NRXN1: variants seen among roughly 807,000 people sequenced by gnomAD.
The protein encoded by NRXN1 is neurexin 1.
In NRXN1, 39 loss-of-function variants were observed where a neutral mutation model predicts 150.9. The observed-to-expected ratio is 0.26, with a 90% CI of 0.20 to 0.34. The LOEUF (loss-of-function observed/expected upper bound fraction) is 0.34, where lower values mean the gene tolerates loss of function less well. NRXN1 is among the 10% of genes least tolerant of loss of function. NRXN1 has a pLI of 1.00. For missense variants in NRXN1, 1,815 were observed against 1,949.9 expected (o/e 0.93, Z 1.30); for synonymous variants, 924 against 757.0 (o/e 1.22, Z -3.62).
intron 18 of NRXN1, among the ~76,000 whole-genome samples, chr2:50,107,367 G>A (rs1428836108): frequency 6.6e-6 from 1 of 150,718 alleles, no homozygotes; most frequent in Non-Finnish European, 1.5e-5. Context: ...AATTGTATCA[G>A]GTAAACTCTC....
chr2:50,479,976 G>A (rs536085617), intron 15 of NRXN1, among the ~76,000 whole-genome samples: 10 of 152,028 alleles, frequency 6.6e-5, no homozygotes, highest in African/African-American at 1.7e-4. Flanking sequence ...GTTTCACCGC[G>A]TTGGCCAGGC....
intron 22 of NRXN1, among the ~76,000 whole-genome samples, chr2:49,940,992 G>A (rs1671878395): frequency 3.3e-5 from 5 of 152,126 alleles, no homozygotes; most frequent in Admixed American, 3.3e-4. Context: ...CTTGGTACAA[G>A]AGTGTTAAAG....
At chr2:50,836,856 A>AC (rs1672186834) in intron 5 of NRXN1, among the ~76,000 whole-genome samples, 1 of 151,222 alleles carries the variant, frequency 6.6e-6, no homozygotes, top group Non-Finnish European at 1.5e-5. Context: ...AAAAAAAAAA[A>AC]CAGAAGAACA....
chr2:50,229,848 T>C (rs924216908), intron 18 of NRXN1, among the ~76,000 whole-genome samples: 3 of 152,032 alleles, frequency 2.0e-5, no homozygotes, highest in Non-Finnish European at 2.9e-5. Flanking sequence ...ATAGAAGAAA[T>C]TGTGGTATAG....
chr2:49,941,236 C>T (rs920033), intron 22 of NRXN1, among the ~76,000 whole-genome samples: 26,329 of 151,156 alleles, frequency 0.17, 2,543 homozygotes, highest in East Asian at 0.29. Flanking sequence ...GTAAAGAAAA[C>T]AAAGGTAGAA....
At chr2:50,578,812 C>A (rs1397858678) in intron 8 of NRXN1, among the ~76,000 whole-genome samples, 1 of 151,998 alleles carries the variant, frequency 6.6e-6, no homozygotes, top group East Asian at 1.9e-4. Flanking sequence ...TCTAGACAGG[C>A]ATGAGATATA....
In NRXN1 at chr2:50,823,916, A is replaced by C. The variant is rs557736329; in HGVS notation, c.832+97953T>G. On this transcript the variant is annotated intron_variant, in intron 5 of 22. Transcript: ENST00000401669. Reference sequence around the variant, plus strand: ...AATATTTCTGGGACATTTTGAATTGACTTTCCTCTCTGTGAATGGCAACAC... The same window carrying C: ...AATATTTCTGGGACATTTTGAATTGCCTTTCCTCTCTGTGAATGGCAACAC... Among the ~76,000 whole-genome samples, 61 of 152,264 alleles carry C rather than the reference A, an allele frequency of 4.0e-4. 1 individual carries two copies. Among genetic ancestry groups the C allele is most frequent in the African/African-American group, 1.4e-3 (60 of 41,558 alleles).
chr2:50,956,768 G>C (rs1169632954), intron 2 of NRXN1, among the ~76,000 whole-genome samples: 1 of 151,704 alleles, frequency 6.6e-6, no homozygotes, highest in Non-Finnish European at 1.5e-5. Context: ...TAAAAAGCAA[G>C]ATTTAACATT....
chr2:50,947,907 G>A (rs1319328820), intron 2 of NRXN1, among the ~76,000 whole-genome samples: 1 of 151,784 alleles, frequency 6.6e-6, no homozygotes. Flanking sequence ...GTTTACATAA[G>A]CCACAAAATA....
chr2:50,477,655 A>G (rs905623234), intron 15 of NRXN1, among the ~76,000 whole-genome samples: 2 of 152,194 alleles, frequency 1.3e-5, no homozygotes, highest in Non-Finnish European at 2.9e-5. Flanking sequence ...AACCTCTTAA[A>G]TATCTCACTT....
chr2:50,934,150 G>A (rs1434650216), intron 2 of NRXN1, among the ~76,000 whole-genome samples: 1 of 152,012 alleles, frequency 6.6e-6, no homozygotes, highest in African/African-American at 2.4e-5. Flanking sequence ...TAACACATAT[G>A]TGTATACATA....
At chr2:50,262,811 T>C (rs971107577) in intron 17 of NRXN1, among the ~76,000 whole-genome samples, 1 of 151,960 alleles carries the variant, frequency 6.6e-6, no homozygotes, top group Admixed American at 6.6e-5. Context: ...GTCCACAGAT[T>C]ATTAATTCCC....
chr2:50,706,803 T>C (rs1215309621), intron 5 of NRXN1, among the ~76,000 whole-genome samples: 1 of 151,008 alleles, frequency 6.6e-6, no homozygotes, highest in Non-Finnish European at 1.5e-5. Flanking sequence ...TGAAAAGACA[T>C]ATTTGGATTT....
At chr2:49,942,177 T>C (rs1034940191) in intron 22 of NRXN1, among the ~76,000 whole-genome samples, 3 of 152,000 alleles carry the variant, frequency 2.0e-5, no homozygotes, top group Non-Finnish European at 4.4e-5. Context: ...AGCTGATCAT[T>C]GTGAATGATA....
intron 5 of NRXN1, among the ~76,000 whole-genome samples, chr2:50,763,099 C>A (rs1055432621): frequency 1.3e-5 from 2 of 151,950 alleles, no homozygotes; most frequent in Non-Finnish European, 2.9e-5. Context: ...CCTTCATTTT[C>A]TTTGAACATT....
At chr2:50,557,594 G>A (rs1032190264) in intron 8 of NRXN1, among the ~76,000 whole-genome samples, 6 of 152,070 alleles carry the variant, frequency 3.9e-5, no homozygotes, top group East Asian at 3.9e-4. Context: ...AGTTTTATTC[G>A]TAAAGGACAA....
intron 5 of NRXN1, among the ~76,000 whole-genome samples, chr2:50,792,551 G>A (rs1706198684): frequency 6.6e-6 from 1 of 152,032 alleles, no homozygotes; most frequent in Non-Finnish European, 1.5e-5. Context: ...ATAAAAATAG[G>A]AAGGGATGGT....
chr2:50,728,172 T>C (rs921078731), intron 5 of NRXN1, among the ~76,000 whole-genome samples: 1 of 152,166 alleles, frequency 6.6e-6, no homozygotes, highest in Non-Finnish European at 1.5e-5. Flanking sequence ...CAGAGACTTC[T>C]TCATCTTATT....
chr2:50,797,299 A>G (rs1384407729), intron 5 of NRXN1, among the ~76,000 whole-genome samples: 1 of 152,140 alleles, frequency 6.6e-6, no homozygotes, highest in Non-Finnish European at 1.5e-5. Context: ...GGCATTTGCA[A>G]CCAATATCCA....
Sources: gnomAD v4.1 joint callset for allele counts (sites outside exome capture counted in the v4.1 genomes callset) on GRCh38, gnomAD v4.1.1 for gene constraint, MANE v1.5 for transcripts, NCBI Gene and HGNC (gene_info 2026-07-23, HGNC 2026-07-21) for gene names.